WDR72: variants seen among roughly 807,000 people sequenced by gnomAD.
The protein encoded by WDR72 is WD repeat-containing protein 72.
In WDR72, 120 loss-of-function variants were observed where a neutral mutation model predicts 124.2. The observed-to-expected ratio is 0.97, with a 90% CI of 0.83 to 1.12. The LOEUF (loss-of-function observed/expected upper bound fraction) is 1.12, where lower values mean the gene tolerates loss of function less well. Among genes scored for constraint, WDR72 ranks in the 50% most tolerant of loss-of-function variants. The pLI, the probability that WDR72 is intolerant of heterozygous loss-of-function variation, is 0.00. For synonymous variants in WDR72, 452 were observed against 441.7 expected (o/e 1.02, Z -0.29); for missense variants, 1,387 against 1,278.8 (o/e 1.08, Z -1.29).
intron 18 of WDR72, among the ~76,000 whole-genome samples, chr15:53,558,891 A>G (rs971954467): frequency 6.6e-6 from 1 of 151,984 alleles, no homozygotes; most frequent in Non-Finnish European, 1.5e-5. Flanking sequence ...TCTCTTAATG[A>G]AACTTAACTT....
chr15:53,624,209 G>C (rs1325151751), intron 14 of WDR72, among the ~76,000 whole-genome samples: 2 of 152,194 alleles, frequency 1.3e-5, no homozygotes, highest in Non-Finnish European at 2.9e-5. Flanking sequence ...GGAAGGTAGA[G>C]AATGAGCTAC....
At chr15:53,645,863 A>AT (rs2015023535) in intron 14 of WDR72, among the ~76,000 whole-genome samples, 4 of 152,106 alleles carry the variant, frequency 2.6e-5, no homozygotes, top group Non-Finnish European at 4.4e-5. Context: ...GGACATATAT[A>AT]TTTTTTGCTA....
rs1555402422 is a variant in WDR72 at position 53,515,086 on chromosome 15, TACAC to T, written c.*2609_*2612del. 1 of 87,206 alleles carries T rather than the reference TACAC, an allele frequency of 1.1e-5. No individual in the cohort carries two copies. Among genetic ancestry groups the T allele is most frequent in the African/African-American group, 3.6e-5 (1 of 27,502 alleles). The allele number at this position is 87,206 out of a possible 1,614,324, so 5.4% of individuals were successfully genotyped here. A position where few individuals can be genotyped will look rare whatever the true frequency, so the allele number is the denominator to read the frequency against. On this transcript the variant is annotated 3_prime_UTR_variant, in exon 20 of 20. Coordinates refer to ENST00000360509, the MANE Select transcript of WDR72 (RefSeq NM_182758.4). ...ATATACACACATATATATGTATGTA[TACAC>T]ACACACACACACACACAAATACATT...
chr15:53,614,922 CTATTT>C (rs1305746985), intron 15 of WDR72, among the ~76,000 whole-genome samples: 1 of 151,950 alleles, frequency 6.6e-6, no homozygotes, highest in African/African-American at 2.4e-5. Flanking sequence ...CTATTTTATT[CTATTT>C]TAATATGCCA....
intron 13 of WDR72, among the ~76,000 whole-genome samples, chr15:53,682,487 C>G (rs993580877): frequency 4.6e-5 from 7 of 152,110 alleles, no homozygotes; most frequent in African/African-American, 1.7e-4. Context: ...AGGTCAAACT[C>G]TTTCTTATTA....
At chr15:53,638,281 C>T (rs1056781993) in intron 14 of WDR72, among the ~76,000 whole-genome samples, 3 of 152,156 alleles carry the variant, frequency 2.0e-5, no homozygotes, top group African/African-American at 7.2e-5. Flanking sequence ...TATCTAAGGG[C>T]AGCTCCATCA....
chr15:53,754,362 A>G (rs532231779), intron 1 of WDR72, among the ~76,000 whole-genome samples: 1 of 152,286 alleles, frequency 6.6e-6, no homozygotes. Context: ...CATAAGAGGT[A>G]GCAGAGGGAG....
In WDR72 at chr15:53,561,939, C is replaced by A. The variant is rs565358845; in HGVS notation, c.3148+35140G>T. 2.0e-5 allele frequency among the ~76,000 whole-genome samples: 3 copies of A among 151,872 alleles called. No individual in the cohort carries two copies. In the South Asian group the frequency reaches 6.2e-4, roughly 31 times the overall value. Reference sequence around the variant, plus strand: ...TTTGTTTATCTTTTTATGGTAGCCACTAGAAAGCTCAAGTAGTTAACATGA... The same window carrying A: ...TTTGTTTATCTTTTTATGGTAGCCAATAGAAAGCTCAAGTAGTTAACATGA... On this transcript the variant is annotated intron_variant, in intron 18 of 19. Coordinates refer to ENST00000360509, the MANE Select transcript of WDR72 (RefSeq NM_182758.4).
chr15:53,712,210 C>T (rs959160845), intron 7 of WDR72, among the ~76,000 whole-genome samples: 3 of 152,082 alleles, frequency 2.0e-5, no homozygotes, highest in Admixed American at 2.0e-4. Flanking sequence ...TATGCTACTA[C>T]ATATATAATA....
intron 14 of WDR72, among the ~76,000 whole-genome samples, chr15:53,634,853 G>A (rs2014566958): frequency 6.6e-6 from 1 of 152,300 alleles, no homozygotes; most frequent in Non-Finnish European, 1.5e-5. Flanking sequence ...GGACTGAATG[G>A]TGGGTAGCTG....
rs1431244591 is a variant in WDR72 at position 53,680,502 on chromosome 15, C to A, written c.1766-14734G>T. On this transcript the variant is annotated intron_variant, in intron 13 of 19. Coordinates refer to ENST00000360509, the MANE Select transcript of WDR72 (RefSeq NM_182758.4). The stretch of plus-strand genomic sequence containing the variant: ...GGAACATGTAACTGTAATTTTCAAA[C>A]TTGACTTATGGTTGATACTTCCAGA... 2.6e-5 allele frequency among the ~76,000 whole-genome samples: 4 copies of A among 152,232 alleles called. No individual in the cohort carries two copies. In the South Asian group the frequency reaches 6.2e-4, roughly 24 times the overall value.
At chr15:53,519,255 TA>T in intron 19 of WDR72, among the ~76,000 whole-genome samples, 1 of 152,194 alleles carries the variant, frequency 6.6e-6, no homozygotes, top group Non-Finnish European at 1.5e-5. Context: ...AAACAAGCTT[TA>T]ATCACTGTAA....
At chr15:53,731,938 T>C (rs954404762) in intron 2 of WDR72, among the ~76,000 whole-genome samples, 1 of 152,204 alleles carries the variant, frequency 6.6e-6, no homozygotes, top group Non-Finnish European at 1.5e-5. Flanking sequence ...GACCTACATA[T>C]TATTACACAA....
chr15:53,758,199 C>G (rs2018965372), intron 1 of WDR72, among the ~76,000 whole-genome samples: 1 of 152,026 alleles, frequency 6.6e-6, no homozygotes, highest in African/African-American at 2.4e-5. Context: ...TGAAGTTTTG[C>G]TATGTTGCCC....
At position 53,712,600 on chromosome 15, in the gene WDR72, A is replaced by C. The variant is rs2252191; in HGVS notation, c.711+172T>G. 0.73 allele frequency among the ~76,000 whole-genome samples: 110,019 copies of C among 150,696 alleles called. 40,369 individuals carry two copies. The highest frequency in any genetic ancestry group is 0.8 in the South Asian group (3,816 of 4,774). On this transcript the variant is annotated intron_variant, in intron 7 of 19. Coordinates refer to ENST00000360509, the MANE Select transcript of WDR72 (RefSeq NM_182758.4). ...ACAGAGTGAGACTGTCAACCACCCC[A>C]CCGCCAAAAAAAAAAACTGTTACGT...
chr15:53,639,295 G>A (rs976237470), intron 14 of WDR72, among the ~76,000 whole-genome samples: 6 of 151,810 alleles, frequency 4.0e-5, no homozygotes, highest in Non-Finnish European at 8.8e-5. Context: ...ACAGACAGCC[G>A]CAGTCCCTGG....
intron 14 of WDR72, among the ~76,000 whole-genome samples, chr15:53,629,119 C>A (rs1390559112): frequency 6.6e-6 from 1 of 151,514 alleles, no homozygotes; most frequent in Admixed American, 6.6e-5. Context: ...CCATTCTAGA[C>A]TAAAGGCCTT....
intron 2 of WDR72, 33 bp downstream of exon 2, chr15:53,732,964 G>T (rs189297288): frequency 2.8e-5 from 45 of 1,613,626 alleles, no homozygotes; most frequent in Non-Finnish European, 3.8e-5. Flanking sequence ...TTTGTGAGTG[G>T]TGTCTGTTTC....
chr15:53,681,060 T>G (rs2016364629), intron 13 of WDR72, among the ~76,000 whole-genome samples: 1 of 152,228 alleles, frequency 6.6e-6, no homozygotes, highest in Admixed American at 6.5e-5. Flanking sequence ...CAAAAGACCT[T>G]TCCCATCAAA....
Sources: gnomAD v4.1 joint callset for allele counts (sites outside exome capture counted in the v4.1 genomes callset) on GRCh38, gnomAD v4.1.1 for gene constraint, MANE v1.5 for transcripts, NCBI Gene and HGNC (gene_info 2026-07-23, HGNC 2026-07-21) for gene names.